C1D: variants seen among roughly 807,000 people sequenced by gnomAD.
The protein encoded by C1D is C1D nuclear receptor corepressor.
In C1D, 10 loss-of-function variants were observed where a neutral mutation model predicts 17.5. The ratio of observed to expected loss-of-function variants is 0.57; its 90% CI spans 0.35 to 0.97. The LOEUF is 0.97. Among genes scored for constraint, C1D ranks in the 50% least tolerant of loss-of-function variants. The pLI is 0.01. For missense variants in C1D, 136 were observed against 160.1 expected (o/e 0.85, Z 0.81); for synonymous variants, 49 against 54.0 (o/e 0.91, Z 0.40).
chr2:68,053,163 G>A (rs896555692), intron 1 of C1D: 3 of 1,550,484 alleles, frequency 1.9e-6, no homozygotes, highest in African/African-American at 1.4e-5. Flanking sequence ...CAGACGGAGA[G>A]GGCATGAGAA....
intron 4 of C1D, among the ~76,000 whole-genome samples, chr2:68,044,611 G>A (rs1334068527): frequency 1.3e-5 from 2 of 152,194 alleles, no homozygotes; most frequent in African/African-American, 4.8e-5. Context: ...GAGAGGCTGA[G>A]GCAGGAGAAT....
chr2:68,053,330 T>G (rs1167708837), intron 1 of C1D: 5 of 995,100 alleles, frequency 5.0e-6, no homozygotes, highest in Non-Finnish European at 7.1e-6. Context: ...AAAACAAGAG[T>G]GCATAGCATC....
At chr2:68,062,332 T>C (rs1249594538) in intron 1 of C1D, among the ~76,000 whole-genome samples, 2 of 152,242 alleles carry the variant, frequency 1.3e-5, no homozygotes, top group African/African-American at 2.4e-5. Context: ...AACTGAACTG[T>C]AGTCAGCAAA....
intron 1 of C1D, among the ~76,000 whole-genome samples, chr2:68,061,066 C>T (rs1310379933): frequency 2.0e-5 from 3 of 152,170 alleles, no homozygotes; most frequent in African/African-American, 7.2e-5. Flanking sequence ...CATCTCTACA[C>T]CAAATAATTA....
intron 4 of C1D, among the ~76,000 whole-genome samples, chr2:68,043,913 T>C (rs762855135): frequency 6.6e-6 from 1 of 152,202 alleles, no homozygotes; most frequent in Non-Finnish European, 1.5e-5. Flanking sequence ...GCACAGTGCT[T>C]ATGATGGTGG....
chr2:68,056,414 TA>T (rs61396669), intron 1 of C1D, among the ~76,000 whole-genome samples: 71 of 149,470 alleles, frequency 4.8e-4, no homozygotes, highest in African/African-American at 1.5e-3. Flanking sequence ...TTCCCTTCTT[TA>T]AAAAAAAAAT....
intron 1 of C1D, chr2:68,053,050 AAAG>A (rs766666590): frequency 6.5e-7 from 1 of 1,548,944 alleles, no homozygotes; most frequent in South Asian, 1.2e-5. Flanking sequence ...CCAAAGAAGA[AAAG>A]AACTCACCCA....
chr2:68,059,364 T>C (rs1671551254), intron 1 of C1D, among the ~76,000 whole-genome samples: 1 of 152,152 alleles, frequency 6.6e-6, no homozygotes, highest in Non-Finnish European at 1.5e-5. Context: ...ACCCAAATCA[T>C]ATCAACCTCC....
intron 4 of C1D, among the ~76,000 whole-genome samples, chr2:68,045,619 G>A (rs942564273): frequency 2.6e-5 from 4 of 151,956 alleles, no homozygotes; most frequent in African/African-American, 9.7e-5. Flanking sequence ...AAAGGTGGGA[G>A]GGAGAAACTT....
At chr2:68,051,953 G>A (rs186777940) in intron 1 of C1D, among the ~76,000 whole-genome samples, 77 of 151,750 alleles carry the variant, frequency 5.1e-4, no homozygotes, top group African/African-American at 1.5e-3. Flanking sequence ...TTTGTGATCC[G>A]TTCACAAGCA....
At chr2:68,059,116 G>A (rs1161901501) in intron 1 of C1D, among the ~76,000 whole-genome samples, 1 of 152,178 alleles carries the variant, frequency 6.6e-6, no homozygotes, top group Non-Finnish European at 1.5e-5. Context: ...TCTGCTTTTG[G>A]TGAGATAAAG....
At chr2:68,057,372 G>A (rs1314605533) in intron 1 of C1D, among the ~76,000 whole-genome samples, 3 of 151,644 alleles carry the variant, frequency 2.0e-5, no homozygotes, top group African/African-American at 7.3e-5. Flanking sequence ...GGCCAGGCTG[G>A]TCTCAAACTC....
At chr2:68,045,412 A>T (rs1671091390) in intron 4 of C1D, among the ~76,000 whole-genome samples, 1 of 152,210 alleles carries the variant, frequency 6.6e-6, no homozygotes, top group Admixed American at 6.5e-5. Context: ...AAACTCCAAG[A>T]TACCAGACCT....
intron 1 of C1D, among the ~76,000 whole-genome samples, chr2:68,057,660 A>G (rs749785331): frequency 6.6e-6 from 1 of 151,802 alleles, no homozygotes; most frequent in South Asian, 2.1e-4. Flanking sequence ...GTAACATATT[A>G]TAATAATACT....
rs764662337 is a variant in C1D at position 68,043,043 on chromosome 2, C to G, written c.272G>C (p.Arg91Thr). 1 of 1,583,048 alleles carries G rather than the reference C, an allele frequency of 6.3e-7. No homozygotes were observed. The highest frequency in any genetic ancestry group is 8.6e-7 in the Non-Finnish European group (1 of 1,168,256). ...TTCCTTGACTCTGTTCATATATACT[C>G]TGATTCTTTCCTTAAAGATAAAAAA... ...HPVKQELERI[R>T]VYMNRVKEIT... is the part of the protein sequence containing the mutation. Residue 91 changes from arginine to threonine, a missense_variant, in exon 5 of 5, where the codon AGA becomes ACA. Physicochemically the swap from Arg to Thr is moderately conservative, Grantham distance 71. Transcript: ENST00000410067.
chr2:68,057,183 G>A (rs541786606), intron 1 of C1D, among the ~76,000 whole-genome samples: 6 of 152,152 alleles, frequency 3.9e-5, no homozygotes, highest in East Asian at 3.9e-4. Context: ...TCAAAGTTTC[G>A]TTCTTGTTGC....
chr2:68,049,021 AC>A (rs1438415128), intron 1 of C1D, among the ~76,000 whole-genome samples: 1 of 152,084 alleles, frequency 6.6e-6, no homozygotes, highest in Admixed American at 6.6e-5. Flanking sequence ...ACATAGTGAA[AC>A]CCCATCTCTA....
chr2:68,044,546 A>C lies in C1D; in HGVS notation c.261+1442T>G, dbSNP rs528184346. Among the ~76,000 whole-genome samples the C allele has an allele frequency of 4.3e-3, 657 of 151,554 alleles. 5 individuals carry two copies. Among genetic ancestry groups the C allele is most frequent in the African/African-American group, 0.016 (634 of 40,868 alleles). On this transcript the variant is annotated intron_variant, in intron 4 of 4. Coordinates refer to ENST00000410067, the MANE Select transcript of C1D (RefSeq NM_173177.3). ...ACATGGTGAAACCCCGTCTCTACTG[A>C]AAATACAAAAAATTAGCTGGGCGTG...
In C1D at chr2:68,041,691, A is replaced by C. The variant is rs1038173678; in HGVS notation, c.*1198T>G. On this transcript the variant is annotated 3_prime_UTR_variant, in exon 5 of 5. Coordinates refer to ENST00000410067, the MANE Select transcript of C1D (RefSeq NM_173177.3). ...ACCATTTCCAATATCTGCTATCATA[A>C]ATCAAGAAATCCATTTATTCAAGGT... 6.6e-6 allele frequency: 1 copy of C among 152,034 alleles called. No homozygotes were observed. The highest frequency in any genetic ancestry group is 2.4e-5 in the African/African-American group (1 of 41,442). The allele number at this position is 152,034 out of a possible 1,614,324, so 9.4% of individuals were successfully genotyped here.
Sources: gnomAD v4.1 joint callset for allele counts (sites outside exome capture counted in the v4.1 genomes callset) on GRCh38, gnomAD v4.1.1 for gene constraint, MANE v1.5 for transcripts, NCBI Gene and HGNC (gene_info 2026-07-23, HGNC 2026-07-21) for gene names.